Variants in MSX2 observed in about 807,000 individuals in gnomAD.
MSX2 encodes msh homeobox 2, also known as homeobox protein MSX-2.
Under a neutral mutation model 18.4 loss-of-function variants are expected in MSX2, and 10 were observed. The ratio of observed to expected loss-of-function variants is 0.54; its 90% confidence interval spans 0.34 to 0.92. The LOEUF is 0.92. Ranked by LOEUF, MSX2 falls within the 40% of genes least tolerant of loss-of-function variation. MSX2 has a pLI of 0.02. For synonymous variants in MSX2, 170 were observed against 165.6 expected, an observed-to-expected ratio of 1.03 and a Z score of -0.20; for missense variants, 339 against 364.0, an observed-to-expected ratio of 0.93 and a Z score of 0.56.
intron 1 of MSX2, among the ~76,000 whole-genome samples, chr5:174,727,769 C>G (rs1191924401): frequency 6.6e-6 from 1 of 152,110 alleles, no homozygotes; most frequent in Admixed American, 6.5e-5. Flanking sequence ...GGTAATAATG[C>G]GACACTGGAA....
chr5:174,726,127 T>C (rs576485006), intron 1 of MSX2, among the ~76,000 whole-genome samples: 1 of 152,328 alleles, frequency 6.6e-6, no homozygotes, highest in East Asian at 1.9e-4. Context: ...TTTTACAATT[T>C]GGAGACGTCA....
rs772785766 is a variant in MSX2, at chr5:174,724,851, G to A, written c.192G>A (p.Pro64=). 1.9e-6 allele frequency: 3 copies of A among 1,551,978 alleles called. No individual in the cohort carries two copies. Among genetic ancestry groups the A allele is most frequent in the Non-Finnish European group, 2.6e-6 (3 of 1,148,198 alleles). The change falls in exon 1 of 2, where the codon CCG becomes CCA. Residue 64 remains proline, a synonymous_variant. Coordinates refer to ENST00000239243, the MANE Select transcript of MSX2 (RefSeq NM_002449.5). ...SDKKPPKEAS[P]LPAESASAGA... The stretch of plus-strand genomic sequence containing the variant: ...AGAAGCCGCCCAAGGAGGCGTCCCC[G>A]CTGCCGGCCGAAAGCGCCTCGGCCG...
At position 174,729,461 on chromosome 5, in the gene MSX2, T is replaced by C; in HGVS notation, c.682T>C (p.Ser228Pro). Residue 228 changes from serine (S) to proline (P), a missense_variant, in exon 2 of 2, where the codon TCG becomes CCG. Ser to Pro is a moderately conservative substitution (Grantham distance 74). Transcript: ENST00000239243. Reference protein sequence around the residue: ...SSFSLPFPISSPLQAASIYGA... With the variant: ...SSFSLPFPISPPLQAASIYGA... ...CTTCAGTCTCCCTTTCCCCATCAGC[T>C]CGCCCCTGCAGGCAGCGTCCATATA... The C allele has an allele frequency of 1.2e-6, 2 of 1,613,968 alleles. No homozygotes were observed. Among genetic ancestry groups the C allele is most frequent in the Non-Finnish European group, 8.5e-7 (1 of 1,179,878 alleles).
Position 174,724,755 on chromosome 5 carries a change from G to T in MSX2, c.96G>T (p.Glu32Asp). The T allele has an allele frequency of 1.3e-6, 2 of 1,567,838 alleles. No homozygotes were observed. Among genetic ancestry groups the T allele is most frequent in the South Asian group, 1.2e-5 (1 of 85,858 alleles). The stretch of plus-strand genomic sequence containing the variant: ...CAGGCCCGGGGCCTGGGGGCGCCGA[G>T]GGGGCCGCGGAGGAGCGCCGCGTCA... ...AGPGPGPGGA[E>D]GAAEERRVKV... Residue 32 changes from glutamate (E) to aspartate (D), a missense_variant, in exon 1 of 2, where the codon GAG becomes GAT. Physicochemically the swap from Glu to Asp is conservative, Grantham distance 45. Transcript: ENST00000239243.
rs1438544975 is a variant in MSX2 at position 174,725,052 on chromosome 5, G to A, written c.379+14G>A. The A allele has an allele frequency of 1.2e-5, 20 of 1,608,844 alleles. No individual in the cohort carries two copies. Among genetic ancestry groups the A allele is most frequent in the Non-Finnish European group, 1.7e-5 (20 of 1,178,904 alleles). On this transcript the variant is annotated intron_variant, in intron 1 of 1. Transcript: ENST00000239243. Reference sequence around the variant, plus strand: ...CGCCGCCGCCAAGTGAGTGCGCGCCGGGGCAGGAGTAGGAGGTAGCGCGGG... The same window carrying A: ...CGCCGCCGCCAAGTGAGTGCGCGCCAGGGCAGGAGTAGGAGGTAGCGCGGG...
At chr5:174,728,725 C>G (rs1486218229) in intron 1 of MSX2, among the ~76,000 whole-genome samples, 1 of 152,200 alleles carries the variant, frequency 6.6e-6, no homozygotes, top group East Asian at 1.9e-4. Flanking sequence ...TCACCGACCA[C>G]TTGATTCCCT....
At chr5:174,729,064 A>G (rs1033952158) in intron 1 of MSX2, 95 bp from the exon 2 acceptor site, 3 of 1,336,688 alleles carry the variant, frequency 2.2e-6, no homozygotes, top group African/African-American at 1.5e-5. Flanking sequence ...CCCGAAAGGA[A>G]AAAACCTAGA....
chr5:174,725,045 G>T lies in MSX2; in HGVS notation c.379+7G>T, dbSNP rs569601106. ...CGATATTCGCCGCCGCCAAGTGAGT[G>T]CGCGCCGGGGCAGGAGTAGGAGGTA... On this transcript the variant is annotated splice_region_variant and intron_variant, in intron 1 of 1. Coordinates refer to ENST00000239243, the MANE Select transcript of MSX2 (RefSeq NM_002449.5). The T allele has an allele frequency of 6.2e-7, 1 of 1,609,648 alleles. No individual in the cohort carries two copies. Among genetic ancestry groups the T allele is most frequent in the Non-Finnish European group, 8.5e-7 (1 of 1,179,110 alleles).
In MSX2 at chr5:174,725,113, T is replaced by G. The variant is rs767595593; in HGVS notation, c.379+75T>G. On this transcript the variant is annotated intron_variant, in intron 1 of 1. Coordinates refer to ENST00000239243, the MANE Select transcript of MSX2 (RefSeq NM_002449.5). The stretch of plus-strand genomic sequence containing the variant: ...GAGCGGGGGGCGGGTGTTCCAGGGC[T>G]GAGGGTACCGAGACCCTTCTGCGTG... The G allele has an allele frequency of 1.9e-6, 3 of 1,565,388 alleles. No individual in the cohort carries two copies. The African/African-American group carries it at 4.0e-5, about 21-fold the overall frequency.
rs977994183 is a variant in MSX2, at chr5:174,729,781, T to C, written c.*198T>C. On this transcript the variant is annotated 3_prime_UTR_variant, in exon 2 of 2. Transcript: ENST00000239243. ...GAGGCACCAAGCCCTGTTTTCTTGG[T>C]GTAATCTTCCAGATGCCCCCTTTTC... The C allele has an allele frequency of 3.7e-6, 2 of 535,266 alleles. No individual in the cohort carries two copies. Among genetic ancestry groups the C allele is most frequent in the African/African-American group, 3.7e-5 (2 of 53,602 alleles). 33.2% of individuals were successfully genotyped at this position (535,266 alleles called of 1,614,324 possible). A position where few individuals can be genotyped will look rare whatever the true frequency, so the allele number is the denominator to read the frequency against.
At chr5:174,729,082 C>A in intron 1 of MSX2, 77 bp from the exon 2 acceptor site, 1 of 1,440,824 alleles carries the variant, frequency 6.9e-7, no homozygotes, top group Non-Finnish European at 9.6e-7. Context: ...AGAGAGATGA[C>A]GGGGGAGATG....
chr5:174,726,187 A>C (rs1581517864), intron 1 of MSX2, among the ~76,000 whole-genome samples: 1 of 151,640 alleles, frequency 6.6e-6, no homozygotes, highest in South Asian at 2.1e-4. Context: ...TGGTTTCTCT[A>C]CCCCCTAATT....
In MSX2 at chr5:174,725,021, G is replaced by T. The variant is rs771889290; in HGVS notation, c.362G>T (p.Arg121Leu). ...GCGGCGTGGATGCAGGAACCCGGCC[G>T]ATATTCGCCGCCGCCAAGTGAGTGC... ...DGAAWMQEPG[R>L]YSPPPRHMSP... is the part of the protein sequence containing the mutation. Residue 121 changes from arginine to leucine, a missense_variant, in exon 1 of 2, where the codon CGA becomes CTA. Coordinates refer to ENST00000239243, the MANE Select transcript of MSX2 (RefSeq NM_002449.5). The T allele has an allele frequency of 1.2e-6, 2 of 1,610,646 alleles. No homozygotes were observed. The highest frequency in any genetic ancestry group is 8.5e-7 in the Non-Finnish European group (1 of 1,179,474).
chr5:174,728,920 G>A (rs138671222), intron 1 of MSX2, among the ~76,000 whole-genome samples: 1 of 151,278 alleles, frequency 6.6e-6, no homozygotes, highest in African/African-American at 2.4e-5. Flanking sequence ...TTTGACAAAG[G>A]TACCTTTTTC....
At chr5:174,728,779 T>C (rs4868443) in intron 1 of MSX2, among the ~76,000 whole-genome samples, 122,265 of 151,950 alleles carry the variant, frequency 0.8, 51,257 homozygotes, top group East Asian at 0.98. Flanking sequence ...CTAATGCTGT[T>C]TGTTTTCCAT....
At position 174,729,427 on chromosome 5, in the gene MSX2, G is replaced by C; in HGVS notation, c.648G>C (p.Leu216=). Reference sequence around the variant, plus strand: ...TGAAAATGGCTGCAAAACCTATGCTGCCCTCCAGCTTCAGTCTCCCTTTCC... The same window carrying C: ...TGAAAATGGCTGCAAAACCTATGCTCCCCTCCAGCTTCAGTCTCCCTTTCC... ...EKLKMAAKPM[L]PSSFSLPFPI... is the part of the protein sequence containing the mutation. The change falls in exon 2 of 2, where the codon CTG becomes CTC. Residue 216 remains leucine (L), a synonymous_variant. Transcript: ENST00000239243. The C allele has an allele frequency of 2.5e-6, 4 of 1,614,104 alleles. No individual in the cohort carries two copies. The highest frequency in any genetic ancestry group is 3.4e-6 in the Non-Finnish European group (4 of 1,179,968).
Position 174,725,076 on chromosome 5 carries a change from G to A in MSX2, c.379+38G>A, listed in dbSNP as rs756722077. On this transcript the variant is annotated intron_variant, in intron 1 of 1. Coordinates refer to ENST00000239243, the MANE Select transcript of MSX2 (RefSeq NM_002449.5). ...CGGGGCAGGAGTAGGAGGTAGCGCGGGGTACTGGAGGGAGCGGGGGGCGGG... is the reference window on the plus strand; with the variant it reads ...CGGGGCAGGAGTAGGAGGTAGCGCGAGGTACTGGAGGGAGCGGGGGGCGGG... 5.0e-5 allele frequency: 80 copies of A among 1,604,260 alleles called. No homozygotes were observed. In the African/African-American group the frequency reaches 1.0e-3, roughly 20 times the overall value.
In MSX2 at chr5:174,724,941, G is replaced by T. The variant is rs1354395193; in HGVS notation, c.282G>T (p.Pro94=). 3.1e-6 allele frequency: 5 copies of T among 1,590,028 alleles called. No homozygotes were observed. The highest frequency in any genetic ancestry group is 1.3e-5 in the African/African-American group (1 of 74,984). ...CTCGGGAAGCGCACAGCCCCGGGCC[G>T]CTGGTGAAGCCCTTCGAGACCGCCT... is the stretch of plus-strand genomic sequence containing the variant. ...HGAREAHSPG[P]LVKPFETASV... The change falls in exon 1 of 2, where the codon CCG becomes CCT. Residue 94 remains proline (P), a synonymous_variant. Transcript: ENST00000239243.
At position 174,724,914 on chromosome 5, in the gene MSX2, C is replaced by T. The variant is rs367614252; in HGVS notation, c.255C>T (p.Gly85=). 1.8e-5 allele frequency: 29 copies of T among 1,575,514 alleles called. No individual in the cohort carries two copies. The East Asian group carries it at 2.5e-4, about 14-fold the overall frequency. ...TLRPLLLSGH[G]AREAHSPGPL... ...GGCCACTGCTGCTGTCGGGGCACGG[C>T]GCTCGGGAAGCGCACAGCCCCGGGC... Residue 85 remains glycine (G), a synonymous_variant, in exon 1 of 2, where the codon GGC becomes GGT. Transcript: ENST00000239243.
Sources: allele counts gnomAD v4.1 joint callset (sites outside exome capture counted in the v4.1 genomes callset), GRCh38; gene constraint gnomAD v4.1.1; transcripts MANE v1.5; gene names NCBI Gene and HGNC (gene_info 2026-07-23, HGNC 2026-07-21).